The following AAK1 variants were observed in gnomAD, a reference collection of about 807,000 sequenced individuals.
The protein encoded by AAK1 is AP2 associated kinase 1.
In AAK1, 37 loss-of-function variants were observed where a neutral mutation model predicts 116.0. The observed-to-expected ratio is 0.32, with a 90% CI of 0.25 to 0.42. The LOEUF is 0.42. Among genes scored for constraint, AAK1 ranks in the 10% least tolerant of loss-of-function variants. AAK1 has a pLI of 1.00. For missense variants in AAK1, 919 were observed against 1,170.6 expected (o/e 0.79, Z 3.14); for synonymous variants, 458 against 439.9 (o/e 1.04, Z -0.51).
At chr2:69,595,158 G>C in intron 2 of AAK1, 1 of 432,614 alleles carries the variant, frequency 2.3e-6, no homozygotes, top group Non-Finnish European at 4.5e-6. Context: ...TGTTGCCCAG[G>C]CTGGAGTGCA....
In AAK1 at chr2:69,460,692, T is replaced by C. The variant is rs1186926277; in HGVS notation, c.*15177A>G. 1 of 152,236 alleles carries C rather than the reference T, an allele frequency of 6.6e-6. No homozygotes were observed. Among genetic ancestry groups the C allele is most frequent in the Non-Finnish European group, 1.5e-5 (1 of 68,054 alleles). The allele number at this position is 152,236 out of a possible 1,614,324, so 9.4% of individuals were successfully genotyped here. A position where few individuals can be genotyped will look rare whatever the true frequency, so the allele number is the denominator to read the frequency against. On this transcript the variant is annotated 3_prime_UTR_variant, in exon 22 of 22. Coordinates refer to ENST00000409085, the MANE Select transcript of AAK1 (RefSeq NM_014911.5). ...TATAGGGCGTATGACCTAGACTCCC[T>C]GGGTGCTGCTCAGCAGCTGCTTCAG...
In AAK1 at chr2:69,614,125, T is replaced by A. The variant is rs117088180; in HGVS notation, c.163+28753A>T. On this transcript the variant is annotated intron_variant, in intron 2 of 21. Coordinates refer to ENST00000409085, the MANE Select transcript of AAK1 (RefSeq NM_014911.5). ...ATGGTTTTCCTTTTGAGCACCACTA[T>A]CAGGTGAGTCAGCTCAGAAGACAAG... 1.3e-3 allele frequency among the ~76,000 whole-genome samples: 204 copies of A among 152,254 alleles called. No individual in the cohort carries two copies. In the East Asian group the frequency reaches 0.037, roughly 28 times the overall value.
chr2:69,518,178 GA>G (rs1032479129), intron 12 of AAK1, among the ~76,000 whole-genome samples: 1 of 151,766 alleles, frequency 6.6e-6, no homozygotes, highest in Non-Finnish European at 1.5e-5. Context: ...TAAAAAATGT[GA>G]AAAAAATATA....
chr2:69,608,674 G>T (rs1443072731), intron 2 of AAK1, among the ~76,000 whole-genome samples: 1 of 152,182 alleles, frequency 6.6e-6, no homozygotes. Context: ...ACTCAGAAAT[G>T]TCAGAAGACA....
intron 2 of AAK1, among the ~76,000 whole-genome samples, chr2:69,603,921 T>A (rs1673687134): frequency 6.6e-6 from 1 of 152,212 alleles, no homozygotes; most frequent in African/African-American, 2.4e-5. Context: ...TGATGCTGTT[T>A]TCTATCTGTG....
intron 2 of AAK1, among the ~76,000 whole-genome samples, chr2:69,629,773 AC>A (rs1675081402): frequency 6.6e-6 from 1 of 152,190 alleles, no homozygotes; most frequent in South Asian, 2.1e-4. Context: ...ATTTACGAGT[AC>A]TCAATTGGAT....
intron 2 of AAK1, among the ~76,000 whole-genome samples, chr2:69,558,163 C>T (rs139394535): frequency 0.011 from 1,654 of 151,922 alleles, 35 homozygotes; most frequent in African/African-American, 0.038. Flanking sequence ...GGCAACATGG[C>T]GAAACCCTGT....
At chr2:69,606,298 T>C (rs954962491) in intron 2 of AAK1, among the ~76,000 whole-genome samples, 2 of 152,232 alleles carry the variant, frequency 1.3e-5, no homozygotes, top group African/African-American at 2.4e-5. Context: ...AACACAAGGA[T>C]GTGTATTATT....
chr2:69,481,029 T>C (rs889702476), intron 18 of AAK1, 68 bp from the exon 19 acceptor site: 1 of 1,285,758 alleles, frequency 7.8e-7, no homozygotes, highest in African/African-American at 1.5e-5. Flanking sequence ...CTTTAGGAAA[T>C]TCTGTGAAGC....
intron 10 of AAK1, among the ~76,000 whole-genome samples, chr2:69,522,059 G>T (rs920181364): frequency 6.6e-6 from 1 of 152,156 alleles, no homozygotes; most frequent in African/African-American, 2.4e-5. Flanking sequence ...ACTAATATAG[G>T]GAAGACTGCT....
chr2:69,477,435 T>C (rs1044431549), intron 20 of AAK1, among the ~76,000 whole-genome samples: 2 of 152,048 alleles, frequency 1.3e-5, no homozygotes, highest in African/African-American at 4.8e-5. Context: ...AAGTAACCAC[T>C]GTATATAATG....
At chr2:69,518,685 G>A (rs1676693007) in intron 12 of AAK1, among the ~76,000 whole-genome samples, 1 of 152,076 alleles carries the variant, frequency 6.6e-6, no homozygotes, top group Non-Finnish European at 1.5e-5. Context: ...CCAAAGTGCT[G>A]GGATTACAGG....
At chr2:69,522,882 C>T (rs1460434279) in intron 10 of AAK1, among the ~76,000 whole-genome samples, 1 of 151,912 alleles carries the variant, frequency 6.6e-6, no homozygotes, top group Admixed American at 6.5e-5. Context: ...CCAAACAGCA[C>T]AACCTCCATG....
At chr2:69,624,162 C>T (rs1674793679) in intron 2 of AAK1, among the ~76,000 whole-genome samples, 1 of 152,104 alleles carries the variant, frequency 6.6e-6, no homozygotes, top group South Asian at 2.1e-4. Flanking sequence ...TTTATGGAGG[C>T]CAGCTTGTAA....
At position 69,531,173 on chromosome 2, in the gene AAK1, T is replaced by C. The variant is rs116418682; in HGVS notation, c.657-467A>G. On this transcript the variant is annotated intron_variant, in intron 6 of 21. Transcript: ENST00000409085. ...GGATGGAATCAAGAGCCCTTCCTCT[T>C]TGCTCCTGGAATCAGGCTGAAATAA... Among the ~76,000 whole-genome samples, 953 of 152,286 alleles carry C rather than the reference T, an allele frequency of 6.3e-3. 5 individuals are homozygous for C. Among genetic ancestry groups the C allele is most frequent in the African/African-American group, 0.022 (919 of 41,570 alleles).
At chr2:69,531,898 C>G (rs1005979834) in intron 6 of AAK1, 143 bp downstream of exon 6, 3 of 1,395,696 alleles carry the variant, frequency 2.1e-6, no homozygotes, top group Non-Finnish European at 1.9e-6. Flanking sequence ...GTCAAACAAC[C>G]CAACTGTAAA....
intron 4 of AAK1, among the ~76,000 whole-genome samples, chr2:69,543,696 G>A (rs150997098): frequency 7.5e-4 from 114 of 152,248 alleles, no homozygotes; most frequent in African/African-American, 1.1e-3. Flanking sequence ...ATGAGCCACC[G>A]CGCCCGGCCT....
intron 5 of AAK1, among the ~76,000 whole-genome samples, chr2:69,535,666 G>A (rs991932737): frequency 2.6e-5 from 4 of 152,030 alleles, no homozygotes; most frequent in African/African-American, 9.7e-5. Flanking sequence ...TATGGGGAAA[G>A]AGCATTCCAA....
intron 2 of AAK1, among the ~76,000 whole-genome samples, chr2:69,574,548 A>G (rs1216276149): frequency 6.6e-6 from 1 of 151,946 alleles, no homozygotes; most frequent in Non-Finnish European, 1.5e-5. Context: ...TAGCCACTGC[A>G]CTCCAGCCTG....
Sources: gnomAD v4.1 joint callset for allele counts (sites outside exome capture counted in the v4.1 genomes callset) on GRCh38, gnomAD v4.1.1 for gene constraint, MANE v1.5 for transcripts, NCBI Gene and HGNC (gene_info 2026-07-23, HGNC 2026-07-21) for gene names.